Variants in PTPRD observed in about 807,000 individuals in gnomAD.
The protein encoded by PTPRD is protein tyrosine phosphatase receptor type D, also known as receptor-type tyrosine-protein phosphatase delta.
A neutral mutation model predicts 214.5 loss-of-function variants in PTPRD; 34 were observed. That is an observed-to-expected ratio of 0.16 (90% CI 0.12 to 0.21). PTPRD has a LOEUF of 0.21. PTPRD is among the 10% of genes least tolerant of loss of function. The probability of loss-of-function intolerance (pLI) is 1.00; values close to 1 mark genes in which losing one functional copy is unlikely to be tolerated. For missense variants in PTPRD, 2,545 were observed against 2,398.7 expected, an observed-to-expected ratio of 1.06 and a Z score of -1.27; for synonymous variants, 1,128 against 845.7, an observed-to-expected ratio of 1.33 and a Z score of -5.79.
At chr9:8,609,688 T>C (rs1280428417) in intron 14 of PTPRD, among the ~76,000 whole-genome samples, 1 of 152,152 alleles carries the variant, frequency 6.6e-6, no homozygotes, top group African/African-American at 2.4e-5. Context: ...TGAACATCAC[T>C]ATTTAACTCA....
chr9:8,320,021 C>T (rs2130732674), intron 44 of PTPRD, 55 bp from the exon 45 acceptor site: 1 of 1,588,828 alleles, frequency 6.3e-7, no homozygotes, highest in Non-Finnish European at 8.6e-7. Context: ...GTCTTGGCCA[C>T]ATTTGCTTGG....
At chr9:10,358,703 A>C (rs1228687144) in intron 2 of PTPRD, among the ~76,000 whole-genome samples, 1 of 151,956 alleles carries the variant, frequency 6.6e-6, no homozygotes, top group Admixed American at 6.6e-5. Flanking sequence ...ATATATATAA[A>C]GTTTTTAATC....
At chr9:10,217,648 T>C (rs1358707096) in intron 3 of PTPRD, among the ~76,000 whole-genome samples, 1 of 151,912 alleles carries the variant, frequency 6.6e-6, no homozygotes, top group East Asian at 1.9e-4. Context: ...TGAAATTTAA[T>C]TCAACTAAAC....
intron 30 of PTPRD, among the ~76,000 whole-genome samples, chr9:8,473,619 G>A (rs1266894254): frequency 6.6e-6 from 1 of 152,040 alleles, no homozygotes; most frequent in Non-Finnish European, 1.5e-5. Context: ...GTAAATCAAG[G>A]TTAAGCTGAT....
At chr9:10,523,183 T>A (rs1180759142) in intron 2 of PTPRD, among the ~76,000 whole-genome samples, 3 of 152,086 alleles carry the variant, frequency 2.0e-5, no homozygotes, top group African/African-American at 7.2e-5. Flanking sequence ...TAAAATGTTT[T>A]AAGTACATAT....
At chr9:9,431,349 A>G (rs941624641) in intron 8 of PTPRD, among the ~76,000 whole-genome samples, 7 of 152,170 alleles carry the variant, frequency 4.6e-5, no homozygotes, top group South Asian at 2.1e-4. Context: ...CAAAACCACA[A>G]TGAGATACCA....
At chr9:10,505,014 C>G (rs1319012233) in intron 2 of PTPRD, among the ~76,000 whole-genome samples, 1 of 152,122 alleles carries the variant, frequency 6.6e-6, no homozygotes, top group African/African-American at 2.4e-5. Context: ...AAACACCATG[C>G]CAATCTTAAT....
At chr9:8,847,271 T>A (rs574399022) in intron 11 of PTPRD, among the ~76,000 whole-genome samples, 4 of 142,292 alleles carry the variant, frequency 2.8e-5, no homozygotes, top group East Asian at 3.9e-4. Context: ...CTTAAATCAG[T>A]AACTGAATAT....
intron 11 of PTPRD, among the ~76,000 whole-genome samples, chr9:8,794,792 A>G (rs1034840066): frequency 6.6e-6 from 1 of 152,144 alleles, no homozygotes; most frequent in East Asian, 1.9e-4. Context: ...AAGTTATTTT[A>G]GATAATTGCA....
chr9:9,200,221 A>C (rs1056555969), intron 9 of PTPRD, among the ~76,000 whole-genome samples: 1 of 152,252 alleles, frequency 6.6e-6, no homozygotes, highest in African/African-American at 2.4e-5. Context: ...AGCAGAAATC[A>C]GAAAATTTGA....
At chr9:10,201,885 C>T (rs294815) in intron 3 of PTPRD, among the ~76,000 whole-genome samples, 2 of 148,602 alleles carry the variant, frequency 1.3e-5, no homozygotes, top group African/African-American at 5.2e-5. Context: ...TTGAGAGGTA[C>T]AATTTTCAGT....
intron 3 of PTPRD, among the ~76,000 whole-genome samples, chr9:10,117,161 A>C (rs2098736847): frequency 6.6e-6 from 1 of 152,152 alleles, no homozygotes; most frequent in South Asian, 2.1e-4. Context: ...GTGATCGATA[A>C]ACATTTGTGC....
chr9:9,266,625 G>A (rs1386071785), intron 9 of PTPRD, among the ~76,000 whole-genome samples: 1 of 150,116 alleles, frequency 6.7e-6, no homozygotes, highest in Non-Finnish European at 1.5e-5. Context: ...ATAAATAAGT[G>A]GAAATTAAGG....
At chr9:9,377,254 T>C (rs535313998) in intron 9 of PTPRD, among the ~76,000 whole-genome samples, 3 of 152,106 alleles carry the variant, frequency 2.0e-5, no homozygotes, top group South Asian at 4.1e-4. Flanking sequence ...ACATTGAAAT[T>C]ACTATAACTA....
intron 9 of PTPRD, among the ~76,000 whole-genome samples, chr9:9,335,232 T>C (rs1173314089): frequency 2.0e-5 from 3 of 152,104 alleles, no homozygotes; most frequent in African/African-American, 7.2e-5. Context: ...CAGTTCATAT[T>C]ACATTACCTG....
chr9:9,262,962 C>G (rs2132245349), intron 9 of PTPRD, among the ~76,000 whole-genome samples: 1 of 151,714 alleles, frequency 6.6e-6, no homozygotes, highest in African/African-American at 2.4e-5. Flanking sequence ...TTTCTACTCC[C>G]ACCCTGGCCA....
intron 2 of PTPRD, among the ~76,000 whole-genome samples, chr9:10,531,395 A>G (rs2056258717): frequency 6.6e-6 from 1 of 152,202 alleles, no homozygotes. Context: ...CATAGGGATG[A>G]TGGGGAAATG....
chr9:9,863,230 C>A (rs771491083), intron 5 of PTPRD, among the ~76,000 whole-genome samples: 8 of 152,082 alleles, frequency 5.3e-5, no homozygotes. Context: ...TAAAGGTTCA[C>A]GGACTAAGAC....
intron 8 of PTPRD, among the ~76,000 whole-genome samples, chr9:9,522,540 C>G (rs1389647018): frequency 1.3e-5 from 2 of 152,052 alleles, no homozygotes; most frequent in Admixed American, 1.3e-4. Flanking sequence ...ATAATAGATT[C>G]TGCAGAGTAG....
Sources: gnomAD v4.1 joint callset for allele counts (sites outside exome capture counted in the v4.1 genomes callset) on GRCh38, gnomAD v4.1.1 for gene constraint, MANE v1.5 for transcripts, NCBI Gene and HGNC (gene_info 2026-07-23, HGNC 2026-07-21) for gene names.